The following LARS2 variants were observed in gnomAD, a reference collection of about 807,000 sequenced individuals.
LARS2 encodes the protein leucine--tRNA ligase, mitochondrial.
Under a neutral mutation model 116.6 loss-of-function variants are expected in LARS2, and 81 were observed. The ratio of observed to expected loss-of-function variants is 0.69; its 90% confidence interval spans 0.58 to 0.84. The LOEUF (loss-of-function observed/expected upper bound fraction) is 0.84. Among genes scored for constraint, LARS2 ranks in the 40% least tolerant of loss-of-function variants. The pLI is 0.00. For missense variants in LARS2, 968 were observed against 1,114.5 expected, an observed-to-expected ratio of 0.87 and a Z score of 1.87; for synonymous variants, 396 against 407.2, an observed-to-expected ratio of 0.97 and a Z score of 0.33.
chr3:45,538,860 G>A (rs1380047647), intron 20 of LARS2, among the ~76,000 whole-genome samples: 2 of 152,210 alleles, frequency 1.3e-5, no homozygotes, highest in African/African-American at 4.8e-5. Context: ...AAGATAAGGA[G>A]CTTGTGCTAG....
At chr3:45,457,082 C>T (rs1395506385) in intron 7 of LARS2, among the ~76,000 whole-genome samples, 3 of 152,226 alleles carry the variant, frequency 2.0e-5, no homozygotes, top group Non-Finnish European at 4.4e-5. Context: ...CCTTTGCTGC[C>T]TGTAGGCTGC....
intron 8 of LARS2, among the ~76,000 whole-genome samples, chr3:45,464,836 C>T (rs1699394830): frequency 6.6e-6 from 1 of 152,114 alleles, no homozygotes; most frequent in South Asian, 2.1e-4. Flanking sequence ...AGGACCAGGC[C>T]AGGGCTGGGA....
chr3:45,528,285 C>T (rs558789736), intron 20 of LARS2, among the ~76,000 whole-genome samples: 1 of 152,224 alleles, frequency 6.6e-6, no homozygotes, highest in Admixed American at 6.5e-5. Flanking sequence ...TGCAGTGAGC[C>T]ATAATCATGC....
At chr3:45,420,493 T>G (rs1030712337) in intron 6 of LARS2, among the ~76,000 whole-genome samples, 1 of 152,228 alleles carries the variant, frequency 6.6e-6, no homozygotes. Flanking sequence ...TTATATTGTT[T>G]TCTTTACTAG....
At chr3:45,415,463 A>C (rs1434177916) in intron 4 of LARS2, among the ~76,000 whole-genome samples, 3 of 152,172 alleles carry the variant, frequency 2.0e-5, no homozygotes, top group Admixed American at 2.0e-4. Context: ...CCCATTTTAC[A>C]GACGATGAAA....
chr3:45,483,323 A>C (rs1327830368), intron 10 of LARS2, among the ~76,000 whole-genome samples: 1 of 152,108 alleles, frequency 6.6e-6, no homozygotes, highest in African/African-American at 2.4e-5. Flanking sequence ...ATAATTGCAA[A>C]ATTTGCAAAT....
At position 45,513,310 on chromosome 3, in the gene LARS2, C is replaced by T. The variant is rs1700316788; in HGVS notation, c.1861+75C>T. ...CCAGGCCTGAGAGCTACTGAGCAAGCAGGCATCTGCCTCTAGAGTGGGGAG... is the reference window on the plus strand; with the variant it reads ...CCAGGCCTGAGAGCTACTGAGCAAGTAGGCATCTGCCTCTAGAGTGGGGAG... On this transcript the variant is annotated intron_variant, in intron 16 of 21. Transcript: ENST00000645846. 9.3e-6 allele frequency: 9 copies of T among 967,638 alleles called. No individual in the cohort carries two copies. Among genetic ancestry groups the T allele is most frequent in the Non-Finnish European group, 1.5e-5 (9 of 594,270 alleles). 59.9% of individuals were successfully genotyped at this position (967,638 alleles called of 1,614,324 possible).
At position 45,455,926 on chromosome 3, in the gene LARS2, A is replaced by C. The variant is rs576331902; in HGVS notation, c.607-2817A>C. Among the ~76,000 whole-genome samples, 87 of 152,092 alleles carry C rather than the reference A, an allele frequency of 5.7e-4. 4 individuals are homozygous for C. Among genetic ancestry groups the C allele is most frequent in the Non-Finnish European group, 2.9e-4 (20 of 67,978 alleles). On this transcript the variant is annotated intron_variant, in intron 7 of 21. Transcript: ENST00000645846. ...GCAAAAATCATGTGATCTCACTTAC[A>C]TGTGGAATCCTAAAAAACATTGAAT...
intron 7 of LARS2, among the ~76,000 whole-genome samples, chr3:45,447,455 G>A (rs1185217056): frequency 3.9e-5 from 6 of 152,148 alleles, no homozygotes; most frequent in East Asian, 1.9e-4. Context: ...AGTGGGTCAC[G>A]ACAGCCCTGT....
intron 7 of LARS2, among the ~76,000 whole-genome samples, chr3:45,450,179 G>A (rs1480414249): frequency 6.6e-6 from 1 of 152,144 alleles, no homozygotes; most frequent in African/African-American, 2.4e-5. Context: ...TATACAGTGT[G>A]TCATGATCAA....
At chr3:45,465,670 G>A (rs139205379) in intron 8 of LARS2, among the ~76,000 whole-genome samples, 11 of 152,322 alleles carry the variant, frequency 7.2e-5, no homozygotes, top group Non-Finnish European at 1.6e-4. Context: ...TCCAGGGGTT[G>A]GTACAGGGCT....
intron 4 of LARS2, among the ~76,000 whole-genome samples, chr3:45,406,498 AG>A (rs1391260941): frequency 6.6e-6 from 1 of 152,134 alleles, no homozygotes; most frequent in South Asian, 2.1e-4. Context: ...AGAAAACTAA[AG>A]GTCACAAGCA....
At position 45,414,327 on chromosome 3, in the gene LARS2, A is replaced by G. The variant is rs1178688065; in HGVS notation, c.364-3155A>G. ...TAAACATTAGATACAAATTTACCAC[A>G]TGTAACTGGTACGTATGGCTGTATG... On this transcript the variant is annotated intron_variant, in intron 4 of 21. Transcript: ENST00000645846. Among the ~76,000 whole-genome samples the G allele has an allele frequency of 7.9e-5, 12 of 152,328 alleles. No individual in the cohort carries two copies. In the East Asian group the frequency reaches 2.3e-3, roughly 29 times the overall value.
At chr3:45,473,959 A>G (rs17577674) in intron 8 of LARS2, among the ~76,000 whole-genome samples, 5,330 of 152,194 alleles carry the variant, frequency 0.035, 100 homozygotes, top group Middle Eastern at 0.068. Flanking sequence ...CTTGCCAAAG[A>G]TGTGAATTAT....
intron 3 of LARS2, among the ~76,000 whole-genome samples, chr3:45,396,927 A>G (rs1698056474): frequency 6.6e-6 from 1 of 152,218 alleles, no homozygotes; most frequent in Non-Finnish European, 1.5e-5. Context: ...AAGGCAAAAG[A>G]ATTTGCCCAA....
At chr3:45,458,644 G>A (rs968681058) in intron 7 of LARS2, 99 bp from the exon 8 acceptor site, 78 of 1,205,424 alleles carry the variant, frequency 6.5e-5, no homozygotes, top group Middle Eastern at 5.9e-4. Context: ...TCGAGATCAC[G>A]CCACTGCACT....
At chr3:45,537,165 G>A (rs186375187) in intron 20 of LARS2, among the ~76,000 whole-genome samples, 23 of 151,344 alleles carry the variant, frequency 1.5e-4, no homozygotes, top group African/African-American at 5.1e-4. Flanking sequence ...TTATAGTTCT[G>A]TGTGACTTTT....
intron 1 of LARS2, among the ~76,000 whole-genome samples, chr3:45,391,026 G>A (rs1365208144): frequency 1.3e-5 from 2 of 152,096 alleles, no homozygotes; most frequent in Non-Finnish European, 2.9e-5. Context: ...TTGCAGTTTT[G>A]CTGAACATTT....
chr3:45,524,502 C>T (rs1700505780), intron 20 of LARS2, among the ~76,000 whole-genome samples: 1 of 152,208 alleles, frequency 6.6e-6, no homozygotes, highest in Non-Finnish European at 1.5e-5. Context: ...ATTCAGCACT[C>T]TTCACCAATT....
Sources: gnomAD v4.1 joint callset for allele counts (sites outside exome capture counted in the v4.1 genomes callset) on GRCh38, gnomAD v4.1.1 for gene constraint, MANE v1.5 for transcripts, NCBI Gene and HGNC (gene_info 2026-07-23, HGNC 2026-07-21) for gene names.